The following RNF213 variants were observed in gnomAD, a reference collection of about 807,000 sequenced individuals.
RNF213 encodes the protein ring finger protein 213.
A neutral mutation model predicts 514.4 loss-of-function variants in RNF213; 341 were observed. That is an observed-to-expected ratio of 0.66 (90% CI 0.61 to 0.73). The LOEUF (loss-of-function observed/expected upper bound fraction) is 0.73, where lower values mean the gene tolerates loss of function less well. RNF213 is among the 30% of genes least tolerant of loss of function. The probability of loss-of-function intolerance (pLI) is 0.00; values close to 1 mark genes in which losing one functional copy is unlikely to be tolerated. For synonymous variants in RNF213, 2,655 were observed against 2,658.2 expected, an observed-to-expected ratio of 1.00 and a Z score of 0.04; for missense variants, 5,767 against 6,615.6, an observed-to-expected ratio of 0.87 and a Z score of 4.45.
chr17:80,372,445 T>A, intron 47 of RNF213, 76 bp from the exon 48 acceptor site: 2 of 1,031,566 alleles, frequency 1.9e-6, no homozygotes, highest in Admixed American at 2.0e-5. Context: ...CACAGTCACA[T>A]TGGCGACTGT....
Position 80,288,897 on chromosome 17 carries a change from A to G in RNF213, c.933+142A>G. 1.4e-6 allele frequency: 2 copies of G among 1,431,762 alleles called. No individual in the cohort carries two copies. The highest frequency in any genetic ancestry group is 1.9e-6 in the Non-Finnish European group (2 of 1,042,590). 88.7% of individuals were successfully genotyped at this position (1,431,762 alleles called of 1,614,324 possible). The stretch of plus-strand genomic sequence containing the variant: ...CAAAGCTCTGGCCTTCGGGGTGCTC[A>G]CATTCCAGCGGAGAGAGAGTCAGGA... On this transcript the variant is annotated intron_variant, in intron 5 of 67. Transcript: ENST00000582970. This position sits in a 1 kb window ranked among gnomAD's most constrained non-coding sequence, Gnocchi z 4.9.
chr17:80,376,288 T>C lies in RNF213; in HGVS notation c.13186-13T>C, dbSNP rs113236556. 80,781 of 1,613,830 alleles carry C rather than the reference T, an allele frequency of 0.05. 2,250 individuals carry two copies. Among genetic ancestry groups the C allele is most frequent in the Middle Eastern group, 0.088 (535 of 6,060 alleles). ...CTTTGATACATCTTAATGTTAAGTTTTTTTCCTGTCAGCAATGTGAAGCTG... is the reference window on the plus strand; with the variant it reads ...CTTTGATACATCTTAATGTTAAGTTCTTTTCCTGTCAGCAATGTGAAGCTG... On this transcript the variant is annotated splice_polypyrimidine_tract_variant and intron_variant, in intron 51 of 67. Transcript: ENST00000582970.
intron 8 of RNF213, among the ~76,000 whole-genome samples, chr17:80,294,370 C>T (rs1030316043): frequency 2.6e-5 from 4 of 152,132 alleles, no homozygotes; most frequent in Non-Finnish European, 4.4e-5. Flanking sequence ...ATGACACATT[C>T]CACCTCCTTG....
At chr17:80,305,646 C>G (rs552510987) in intron 11 of RNF213, among the ~76,000 whole-genome samples, 1 of 149,564 alleles carries the variant, frequency 6.7e-6, no homozygotes, top group East Asian at 2.0e-4. Flanking sequence ...GAGTCTCACT[C>G]TGTTGCCCAG....
At position 80,374,600 on chromosome 17, in the gene RNF213, C is replaced by A. The variant is rs1260308771; in HGVS notation, c.13074+11C>A. 2 of 1,613,798 alleles carry A rather than the reference C, an allele frequency of 1.2e-6. No homozygotes were observed. Among genetic ancestry groups the A allele is most frequent in the South Asian group, 1.1e-5 (1 of 91,060 alleles). On this transcript the variant is annotated intron_variant, in intron 50 of 67. Coordinates refer to ENST00000582970, the MANE Select transcript of RNF213 (RefSeq NM_001256071.3). ...AAGACTGCTCTGAAGGTAGGATGGG[C>A]CCGTGGCTTCTCTCTGATACCAGGT... is the stretch of plus-strand genomic sequence containing the variant.
At chr17:80,281,526 TGCCCCACTCATACCACTC>T in intron 3 of RNF213, among the ~76,000 whole-genome samples, 1 of 24,820 alleles carries the variant, frequency 4.0e-5, no homozygotes, top group Non-Finnish European at 8.1e-5. Context: ...AACACACACA[TGCCCCACTCATACCACTC>T]ACACACCCCC....
At chr17:80,391,353 C>T (rs1455869943) in intron 67 of RNF213, among the ~76,000 whole-genome samples, 2 of 152,178 alleles carry the variant, frequency 1.3e-5, no homozygotes, top group Admixed American at 6.5e-5. Flanking sequence ...TTAGTGCAAC[C>T]GCTGCCTTCT....
At chr17:80,388,216 T>G (rs1369752876) in intron 63 of RNF213, among the ~76,000 whole-genome samples, 1 of 152,228 alleles carries the variant, frequency 6.6e-6, no homozygotes, top group Non-Finnish European at 1.5e-5. Context: ...TGCCCGTCTC[T>G]GCCTCCCAAA....
chr17:80,369,680 C>T lies in RNF213; in HGVS notation c.12325+9C>T. The stretch of plus-strand genomic sequence containing the variant: ...AAGAGATGCTGCCCAGAGTAGGTTG[C>T]TTTCTTCCTGTAAACCTAGCCCCTC... On this transcript the variant is annotated intron_variant, in intron 45 of 67. Coordinates refer to ENST00000582970, the MANE Select transcript of RNF213 (RefSeq NM_001256071.3). 6.2e-7 allele frequency: 1 copy of T among 1,614,186 alleles called. No homozygotes were observed. Among genetic ancestry groups the T allele is most frequent in the South Asian group, 1.1e-5 (1 of 91,092 alleles).
chr17:80,294,577 G>A, intron 8 of RNF213, 143 bp from the exon 9 acceptor site: 1 of 1,002,606 alleles, frequency 1.0e-6, no homozygotes, highest in South Asian at 1.3e-5. Context: ...TCAGTGTGTG[G>A]GTTTTTGCTT....
In RNF213 at chr17:80,377,941, G is replaced by C; in HGVS notation, c.13545+145G>C. ...AGGACTGCCCAGGGTGCTCTGAGCA[G>C]GGCAATGCCAATGGCGCTAAGGGTT... On this transcript the variant is annotated intron_variant, in intron 54 of 67. Transcript: ENST00000582970. This position sits in a 1 kb window ranked among gnomAD's most constrained non-coding sequence, Gnocchi z 4.1. 1.1e-6 allele frequency: 1 copy of C among 928,456 alleles called. No homozygotes were observed. Among genetic ancestry groups the C allele is most frequent in the Admixed American group, 1.8e-5 (1 of 56,646 alleles). The allele number at this position is 928,456 out of a possible 1,614,324, so 57.5% of individuals were successfully genotyped here.
chr17:80,280,626 A>T (rs971252275), intron 3 of RNF213, among the ~76,000 whole-genome samples: 12 of 151,798 alleles, frequency 7.9e-5, no homozygotes, highest in Admixed American at 2.0e-4. Context: ...ATTAATTTTT[A>T]AAATTTTTGG....
intron 16 of RNF213, among the ~76,000 whole-genome samples, chr17:80,318,261 G>A (rs772957648): frequency 2.0e-5 from 3 of 152,198 alleles, no homozygotes; most frequent in African/African-American, 4.8e-5. Context: ...AAGAACCAGT[G>A]GGGAGAGAGT....
Position 80,371,890 on chromosome 17 carries a change from G to A in RNF213, c.12442G>A (p.Asp4148Asn). 2 of 1,512,928 alleles carry A rather than the reference G, an allele frequency of 1.3e-6. No individual in the cohort carries two copies. Among genetic ancestry groups the A allele is most frequent in the Non-Finnish European group, 1.8e-6 (2 of 1,087,954 alleles). The allele number at this position is 1,512,928 out of a possible 1,614,324, so 93.7% of individuals were successfully genotyped here. The stretch of plus-strand genomic sequence containing the variant: ...TTTCTGCAGCTTTCATGATGTAAAA[G>A]ATTATATTCAGGAATATTTGACCCT... Reference protein sequence around the residue: ...LLKYSFHDVKDYIQEYLTLLK... With the variant: ...LLKYSFHDVKNYIQEYLTLLK... The change falls in exon 47 of 68, where the codon GAT (aspartate) becomes AAT (asparagine). Residue 4148 changes from aspartate to asparagine, a missense_variant. This residue lies in a region of RNF213 where 1,245 missense variants were observed against 1,339.0 expected (regional missense o/e 0.93). Coordinates refer to ENST00000582970, the MANE Select transcript of RNF213 (RefSeq NM_001256071.3).
At chr17:80,281,746 G>T (rs1382172854) in intron 3 of RNF213, among the ~76,000 whole-genome samples, 1 of 151,454 alleles carries the variant, frequency 6.6e-6, no homozygotes, top group East Asian at 1.9e-4. Flanking sequence ...CCCACAGGGG[G>T]TCGGTTCCAG....
At chr17:80,313,317 T>C in intron 15 of RNF213, 150 bp downstream of exon 15, 2 of 1,094,578 alleles carry the variant, frequency 1.8e-6, no homozygotes, top group East Asian at 2.4e-5. Context: ...GAGTTGCTCC[T>C]GTCTACCTGG....
At chr17:80,289,316 G>A (rs1182133861) in intron 5 of RNF213, among the ~76,000 whole-genome samples, 6 of 152,206 alleles carry the variant, frequency 3.9e-5, no homozygotes, top group Admixed American at 2.0e-4. Flanking sequence ...TGGGCCAGGC[G>A]CGGTAGCTCA....
At chr17:80,300,053 A>AT (rs745578798) in intron 11 of RNF213, among the ~76,000 whole-genome samples, 2 of 152,096 alleles carry the variant, frequency 1.3e-5, no homozygotes, top group Non-Finnish European at 2.9e-5. Context: ...TAATAGAACG[A>AT]TTTATATTGT....
intron 10 of RNF213, among the ~76,000 whole-genome samples, chr17:80,296,747 A>G (rs965091483): frequency 2.6e-5 from 4 of 152,108 alleles, no homozygotes; most frequent in Non-Finnish European, 5.9e-5. Context: ...GCAGTGGAGC[A>G]ATCAGCTCAC....
Sources: allele counts gnomAD v4.1 joint callset (sites outside exome capture counted in the v4.1 genomes callset), GRCh38; gene constraint gnomAD v4.1.1; regional missense constraint gnomAD v4.1.1; non-coding constraint Gnocchi (gnomAD v3.1); transcripts MANE v1.5; gene names NCBI Gene and HGNC (gene_info 2026-07-23, HGNC 2026-07-21).